PIP5K1B: variants seen among roughly 807,000 people sequenced by gnomAD.
PIP5K1B encodes phosphatidylinositol 4-phosphate 5-kinase type-1 beta.
PIP5K1B carries 42 observed loss-of-function variants against 67.0 expected under a neutral mutation model. The ratio of observed to expected loss-of-function variants is 0.63; its 90% CI spans 0.49 to 0.81. PIP5K1B has a LOEUF of 0.81. Ranked by LOEUF, PIP5K1B falls within the 30% of genes least tolerant of loss-of-function variation. The pLI is 0.00. For synonymous variants in PIP5K1B, 214 were observed against 231.4 expected, an observed-to-expected ratio of 0.92 and a Z score of 0.68; for missense variants, 459 against 646.3, an observed-to-expected ratio of 0.71 and a Z score of 3.14.
chr9:68,964,481 C>G (rs567009807), intron 14 of PIP5K1B, among the ~76,000 whole-genome samples: 118 of 152,322 alleles, frequency 7.7e-4, no homozygotes, highest in African/African-American at 2.8e-3. Flanking sequence ...GTGAAGGGTA[C>G]TCTCCTGGGT....
intron 2 of PIP5K1B, among the ~76,000 whole-genome samples, chr9:68,799,603 T>C (rs897713926): frequency 7.2e-5 from 11 of 152,090 alleles, no homozygotes; most frequent in South Asian, 2.1e-4. Flanking sequence ...ATACAATCAA[T>C]TGATCTTCAA....
At chr9:69,002,133 G>A (rs1349791856) in intron 15 of PIP5K1B, among the ~76,000 whole-genome samples, 1 of 152,108 alleles carries the variant, frequency 6.6e-6, no homozygotes, top group Non-Finnish European at 1.5e-5. Context: ...TCCATGTGCT[G>A]CCAACACCCC....
intron 13 of PIP5K1B, among the ~76,000 whole-genome samples, chr9:68,939,711 A>G (rs1333609616): frequency 6.6e-6 from 1 of 152,126 alleles, no homozygotes; most frequent in Admixed American, 6.6e-5. Flanking sequence ...GCTTCCCTCC[A>G]TGTTGCTTCC....
At chr9:68,812,634 T>C (rs1005515373) in intron 2 of PIP5K1B, among the ~76,000 whole-genome samples, 14 of 152,246 alleles carry the variant, frequency 9.2e-5, no homozygotes, top group African/African-American at 2.9e-4. Context: ...TACTTGGCCA[T>C]TGGAATTTCT....
chr9:68,732,918 G>C (rs991543980), intron 1 of PIP5K1B, among the ~76,000 whole-genome samples: 6 of 49,108 alleles, frequency 1.2e-4, no homozygotes, highest in Non-Finnish European at 2.4e-4. Flanking sequence ...AGGTGGGTTG[G>C]GGGGGGGGCG....
intron 14 of PIP5K1B, among the ~76,000 whole-genome samples, chr9:68,971,576 T>C (rs1829371884): frequency 6.6e-6 from 1 of 152,242 alleles, no homozygotes; most frequent in Non-Finnish European, 1.5e-5. Flanking sequence ...CCACACTCTC[T>C]TCCACAATGG....
intron 2 of PIP5K1B, among the ~76,000 whole-genome samples, chr9:68,784,942 A>G (rs1203072047): frequency 6.6e-6 from 1 of 152,184 alleles, no homozygotes; most frequent in African/African-American, 2.4e-5. Flanking sequence ...CTATTTTCCA[A>G]TTATTGAGGA....
At chr9:68,840,246 G>A (rs540359440) in intron 4 of PIP5K1B, among the ~76,000 whole-genome samples, 46 of 152,034 alleles carry the variant, frequency 3.0e-4, no homozygotes, top group East Asian at 2.9e-3. Flanking sequence ...GCATGGTGGC[G>A]CATGCCTGTA....
chr9:68,891,676 G>A (rs1461719403), intron 7 of PIP5K1B, among the ~76,000 whole-genome samples: 1 of 152,048 alleles, frequency 6.6e-6, no homozygotes, highest in African/African-American at 2.4e-5. Flanking sequence ...TACAAGCACT[G>A]TTCTCTTTAA....
intron 1 of PIP5K1B, among the ~76,000 whole-genome samples, chr9:68,735,610 G>A (rs768587322): frequency 6.6e-6 from 1 of 152,042 alleles, no homozygotes; most frequent in East Asian, 1.9e-4. Flanking sequence ...AGCTGGTCTC[G>A]AACTCCTGGA....
intron 2 of PIP5K1B, among the ~76,000 whole-genome samples, chr9:68,776,109 TA>T (rs926262532): frequency 1.6e-4 from 24 of 152,212 alleles, no homozygotes; most frequent in African/African-American, 5.8e-4. Context: ...CCTATGGTTT[TA>T]AAGCACAGTT....
chr9:68,967,641 G>A (rs919676765), intron 14 of PIP5K1B, among the ~76,000 whole-genome samples: 4 of 152,138 alleles, frequency 2.6e-5, no homozygotes, highest in Non-Finnish European at 4.4e-5. Context: ...TACAGGGTGA[G>A]AATCCAGCAG....
chr9:68,805,780 T>C (rs773998631), intron 2 of PIP5K1B, among the ~76,000 whole-genome samples: 25 of 152,172 alleles, frequency 1.6e-4, no homozygotes, highest in Non-Finnish European at 3.1e-4. Context: ...ACATTTTCTG[T>C]CTTAGTCAAG....
chr9:68,714,248 C>T (rs1472741401), intron 1 of PIP5K1B, among the ~76,000 whole-genome samples: 1 of 152,220 alleles, frequency 6.6e-6, no homozygotes, highest in African/African-American at 2.4e-5. Flanking sequence ...ACATCTGATA[C>T]TCCTGCAAGG....
intron 2 of PIP5K1B, among the ~76,000 whole-genome samples, chr9:68,763,183 T>G (rs1227557891): frequency 2.6e-5 from 4 of 151,962 alleles, no homozygotes; most frequent in Non-Finnish European, 5.9e-5. Context: ...CAAGAAAAAG[T>G]TGGATGATTT....
At chr9:68,981,530 G>T (rs1829881075) in intron 14 of PIP5K1B, among the ~76,000 whole-genome samples, 1 of 152,208 alleles carries the variant, frequency 6.6e-6, no homozygotes, top group African/African-American at 2.4e-5. Flanking sequence ...CATCTGTGTT[G>T]TGTGCTTTAT....
At chr9:68,811,615 T>C (rs892925239) in intron 2 of PIP5K1B, among the ~76,000 whole-genome samples, 16 of 152,152 alleles carry the variant, frequency 1.1e-4, no homozygotes, top group African/African-American at 3.9e-4. Flanking sequence ...ACCTCTGCTT[T>C]TGAGGTCTGT....
At chr9:68,722,205 T>C (rs149599152) in intron 1 of PIP5K1B, among the ~76,000 whole-genome samples, 13 of 152,202 alleles carry the variant, frequency 8.5e-5, no homozygotes, top group African/African-American at 3.1e-4. Flanking sequence ...TCTTTCTTTA[T>C]TTTTTATTTT....
At chr9:68,788,302 T>A in intron 2 of PIP5K1B, 3 of 681,640 alleles carry the variant, frequency 4.4e-6, no homozygotes, top group Non-Finnish European at 7.6e-6. Flanking sequence ...CTGCAGACTC[T>A]CCCTTCAGGT....
Sources: gnomAD v4.1 joint callset for allele counts (sites outside exome capture counted in the v4.1 genomes callset) on GRCh38, gnomAD v4.1.1 for gene constraint, MANE v1.5 for transcripts, NCBI Gene and HGNC (gene_info 2026-07-23, HGNC 2026-07-21) for gene names.